RTL5: variants seen among roughly 807,000 people sequenced by gnomAD.
RTL5 encodes the protein retrotransposon Gag-like protein 5.
In RTL5, 8 loss-of-function variants were observed where a neutral mutation model predicts 7.7. That is an observed-to-expected ratio of 1.04 (90% CI 0.61 to 1.88). The LOEUF is 1.88. RTL5 is among the 40% of genes most tolerant of loss of function. The pLI, the probability that RTL5 is intolerant of heterozygous loss-of-function variation, is 0.00. For synonymous variants in RTL5, 188 were observed against 191.8 expected, an observed-to-expected ratio of 0.98 and a Z score of 0.16; for missense variants, 457 against 472.7, an observed-to-expected ratio of 0.97 and a Z score of 0.31.
chrX:72,130,508 T>G, exon 1 of RTL5: 1 of 1,211,196 alleles, frequency 8.3e-7, no homozygotes, highest in Non-Finnish European at 1.1e-6. Flanking sequence ...TCATCTTCAC[T>G]GTAGTACTCT....
rs757411162 is a variant in RTL5, at chrX:72,131,100, C to T, written c.441G>A (p.Pro147=). ...AGGGCTCTATCTCAGGCCGCTCCAG[C>T]GGTGCCAGAGGGGGTTGCGGGGGCG... The change falls in exon 1 of 1, where the codon CCG becomes CCA. Residue 147 remains proline, a synonymous_variant. Transcript: ENST00000609883. The T allele has an allele frequency of 5.0e-6, 6 of 1,206,822 alleles. No individual in the cohort carries two copies. In the Admixed American group the frequency reaches 1.3e-4, roughly 26 times the overall value.
exon 1 of RTL5, chrX:72,131,184 G>T (rs1027597241): frequency 2.5e-6 from 3 of 1,182,516 alleles, no homozygotes; most frequent in African/African-American, 3.6e-5. Flanking sequence ...GCAGAGGGGG[G>T]TCAGCGGGCC....
rs373380742 is a variant in RTL5, at chrX:72,130,550, G to T, written c.991C>A (p.Pro331Thr). 3.6e-5 allele frequency: 44 copies of T among 1,209,150 alleles called. 1 individual carries two copies. The African/African-American group carries it at 3.7e-4, about 10-fold the overall frequency. Reference sequence around the variant, plus strand: ...TCACTTTCTTCCTCATTGGGACTCGGAGCAAAAGGGAAGATGATATTTCGA... The same window carrying T: ...TCACTTTCTTCCTCATTGGGACTCGTAGCAAAAGGGAAGATGATATTTCGA... The change falls in exon 1 of 1, where the codon CCG becomes ACG. Residue 331 changes from proline (P) to threonine (T), a missense_variant. Coordinates refer to ENST00000609883, the Ensembl canonical transcript of RTL5.
chrX:72,130,092 G>A (rs750913102), exon 1 of RTL5: 21 of 1,208,911 alleles, frequency 1.7e-5, no homozygotes, highest in Non-Finnish European at 2.2e-5. Flanking sequence ...CACTTGTGGG[G>A]CCAGAAGTCT....
chrX:72,128,683 C>T (rs2147504495), exon 1 of RTL5: 1 of 112,834 alleles, frequency 8.9e-6, no homozygotes, highest in South Asian at 3.6e-4. Context: ...TGCAGCCTTC[C>T]TCTCTCCTCT....
chrX:72,130,628 C>T, exon 1 of RTL5: 1 of 1,211,770 alleles, frequency 8.3e-7, no homozygotes, highest in Non-Finnish European at 1.1e-6. Context: ...TCTATCTCCA[C>T]ACATTCGAGA....
exon 1 of RTL5, chrX:72,127,782 A>G (rs2042242059): frequency 8.8e-6 from 1 of 113,125 alleles, no homozygotes; most frequent in Admixed American, 9.3e-5. Flanking sequence ...AAAACCAGAC[A>G]ATTGAAAGGT....
exon 1 of RTL5, chrX:72,131,125 G>C (rs749671620): frequency 4.2e-6 from 5 of 1,201,758 alleles, no homozygotes; most frequent in Non-Finnish European, 5.6e-6. Context: ...TTGCGGGGGC[G>C]GTTCCTTTGA....
chrX:72,127,361 A>T (rs2042236735), downstream of RTL5: 1 of 100,739 alleles, frequency 9.9e-6, no homozygotes, highest in Non-Finnish European at 2.0e-5. Flanking sequence ...ATCACAACAA[A>T]TATTGAAGAT....
At chrX:72,129,824 C>T in exon 1 of RTL5, 12 of 1,185,197 alleles carry the variant, frequency 1.0e-5, no homozygotes, top group Non-Finnish European at 1.4e-5. Context: ...CCATCTGGCC[C>T]CAGCACTCAA....
chrX:72,131,524 C>T, exon 1 of RTL5: 1 of 1,189,399 alleles, frequency 8.4e-7, no homozygotes, highest in Non-Finnish European at 1.1e-6. Context: ...GTTGAGATTT[C>T]CTGACGCCTC....
At chrX:72,127,200 C>T (rs2042234465), downstream of RTL5, 1 of 111,136 alleles carries the variant, frequency 9.0e-6, no homozygotes, top group African/African-American at 3.3e-5. Flanking sequence ...GCAACAATAA[C>T]ACATGTATTC....
At chrX:72,127,832 T>C (rs1351939021) in exon 1 of RTL5, 3 of 112,948 alleles carry the variant, frequency 2.7e-5, no homozygotes, top group African/African-American at 9.7e-5. Context: ...TTATTCAGTA[T>C]GCATGACTGC....
At chrX:72,131,582 G>C (rs1463944415) in exon 1 of RTL5, 2 of 1,131,756 alleles carry the variant, frequency 1.8e-6, no homozygotes, top group African/African-American at 1.8e-5. Context: ...GGTGGGGAAA[G>C]GGGAACTGGA....
chrX:72,130,674 T>C (rs771020248), exon 1 of RTL5: 1 of 1,210,414 alleles, frequency 8.3e-7, no homozygotes, highest in South Asian at 1.8e-5. Context: ...CTGTTGACCA[T>C]AAGAGCTCTT....
rs930832925 is a variant in RTL5 at position 72,129,943 on chromosome X, C to T, written c.1598G>A (p.Arg533His). 6 of 1,209,183 alleles carry T rather than the reference C, an allele frequency of 5.0e-6. No individual in the cohort carries two copies. The highest frequency in any genetic ancestry group is 3.5e-5 in the African/African-American group (2 of 56,945). Residue 533 changes from arginine to histidine, a missense_variant, in exon 1 of 1, where the codon CGC becomes CAC. Transcript: ENST00000609883. ...GCGTTGTCCTAAACGACCTGTGCGG[C>T]GAATCAGTTGGGGGGAGCTGTAGAA... is the stretch of plus-strand genomic sequence containing the variant.
chrX:72,130,745 A>G, exon 1 of RTL5: 1 of 1,211,877 alleles, frequency 8.3e-7, no homozygotes. Context: ...TCATCCCAAG[A>G]CAAGAATTGG....
rs745450735 is a variant in RTL5 at position 72,131,301 on chromosome X, G to A, written c.240C>T (p.Pro80=). 17 of 1,196,521 alleles carry A rather than the reference G, an allele frequency of 1.4e-5. No homozygotes were observed. The African/African-American group carries it at 2.5e-4, about 18-fold the overall frequency. The stretch of plus-strand genomic sequence containing the variant: ...GGCACAAGAAGGGCAGTTCTCCCCC[G>A]GGAATGACTTCGATCTCACTGAGCG... Residue 80 remains proline (P), a synonymous_variant, in exon 1 of 1, where the codon CCC becomes CCT. Transcript: ENST00000609883.
exon 1 of RTL5, chrX:72,131,052 C>T (rs2042289873): frequency 8.3e-7 from 1 of 1,208,331 alleles, no homozygotes. Context: ...GGAATTCAGC[C>T]AGGTAGACTG....
Sources: allele counts gnomAD v4.1 joint callset, GRCh38; gene constraint gnomAD v4.1.1; transcripts MANE v1.5; gene names NCBI Gene and HGNC (gene_info 2026-07-23, HGNC 2026-07-21).